Variants in PUM2 observed in about 807,000 individuals in gnomAD.
PUM2 encodes the protein pumilio RNA binding family member 2, also known as pumilio homolog 2.
A neutral mutation model predicts 124.5 loss-of-function variants in PUM2; 57 were observed. The observed-to-expected ratio is 0.46, with a 90% CI of 0.37 to 0.57. The LOEUF is 0.57. Ranked by LOEUF, PUM2 falls within the 20% of genes least tolerant of loss-of-function variation. The pLI is 0.00. For missense variants in PUM2, 1,065 were observed against 1,290.6 expected (o/e 0.83, Z 2.68); for synonymous variants, 460 against 446.1 (o/e 1.03, Z -0.39).
intron 3 of PUM2, among the ~76,000 whole-genome samples, chr2:20,313,278 C>A (rs997927013): frequency 7.2e-5 from 11 of 152,220 alleles, no homozygotes; most frequent in Non-Finnish European, 1.6e-4. Flanking sequence ...AGGCAACCTA[C>A]AGAATTTGGG....
chr2:20,304,792 A>G (rs1677824676), intron 7 of PUM2, among the ~76,000 whole-genome samples: 1 of 152,264 alleles, frequency 6.6e-6, no homozygotes, highest in African/African-American at 2.4e-5. Flanking sequence ...AAAAATTCTC[A>G]TTAGTAAGTT....
At chr2:20,296,226 T>C (rs569738961) in intron 8 of PUM2, among the ~76,000 whole-genome samples, 36 of 152,190 alleles carry the variant, frequency 2.4e-4, no homozygotes, top group Non-Finnish European at 4.1e-4. Flanking sequence ...CCGGGCGCGG[T>C]GGCTCACGCC....
rs1455717525 is a variant in PUM2, at chr2:20,311,575, A to C, written c.437T>G (p.Leu146Arg). Residue 146 changes from leucine (L) to arginine (R), a missense_variant, in exon 5 of 21, where the codon CTT becomes CGT. Leu to Arg is a moderately radical substitution (Grantham distance 102, BLOSUM62 -2). Transcript: ENST00000361078. ...SPFEEDQNRDLKQGDDDDSKI... is the reference protein window; with the variant it reads ...SPFEEDQNRDRKQGDDDDSKI... ...AGAATCATCATCATCTCCTTGTTTA[A>C]GATCTCTGTTTTGGTCCTCCTCAAA... 6.2e-7 allele frequency: 1 copy of C among 1,613,484 alleles called. No homozygotes were observed. Among genetic ancestry groups the C allele is most frequent in the Non-Finnish European group, 8.5e-7 (1 of 1,179,600 alleles).
At chr2:20,351,083 G>T (rs949786612), upstream of PUM2, among the ~76,000 whole-genome samples, 1 of 152,160 alleles carries the variant, frequency 6.6e-6, no homozygotes, top group East Asian at 1.9e-4. Context: ...GCTCCGCCGC[G>T]GCGGGCTCGG....
intron 10 of PUM2, among the ~76,000 whole-genome samples, chr2:20,289,329 T>C (rs925249407): frequency 1.3e-5 from 2 of 151,996 alleles, no homozygotes; most frequent in Admixed American, 6.6e-5. Context: ...ATAACTCCTC[T>C]CTCCGTTCTA....
rs1681518595 is a variant in PUM2 at position 20,318,439 on chromosome 2, T to C, written c.160+98A>G. The C allele has an allele frequency of 8.3e-6, 9 of 1,084,868 alleles. No homozygotes were observed. In the East Asian group the frequency reaches 2.0e-4, roughly 24 times the overall value. The allele number at this position is 1,084,868 out of a possible 1,614,324, so 67.2% of individuals were successfully genotyped here. On this transcript the variant is annotated intron_variant, in intron 3 of 20. Transcript: ENST00000361078. ...CAATAGCGCAAAACTATACAAAAAA[T>C]GCAAAAATTTGGAGACTCACTCTAA...
At chr2:20,329,230 C>T (rs1018498482) in intron 1 of PUM2, among the ~76,000 whole-genome samples, 24 of 146,858 alleles carry the variant, frequency 1.6e-4, no homozygotes, top group Non-Finnish European at 7.5e-5. Context: ...CCTATTTGGT[C>T]ATAGGATGAC....
At chr2:20,263,021 C>A (rs6715475) in intron 14 of PUM2, among the ~76,000 whole-genome samples, 172 bp downstream of exon 14, 1 of 151,944 alleles carries the variant, frequency 6.6e-6, no homozygotes, top group Non-Finnish European at 1.5e-5. Context: ...AATTAAAACC[C>A]GTATTTTTAT....
chr2:20,311,081 T>A (rs1038869827), intron 5 of PUM2, among the ~76,000 whole-genome samples: 3 of 151,788 alleles, frequency 2.0e-5, no homozygotes, highest in African/African-American at 7.3e-5. Context: ...AAAAGTTAAA[T>A]GGGAGGCAGG....
At chr2:20,293,819 T>G (rs1674824940) in intron 9 of PUM2, among the ~76,000 whole-genome samples, 1 of 152,122 alleles carries the variant, frequency 6.6e-6, no homozygotes, top group Non-Finnish European at 1.5e-5. Context: ...ACAATGAATG[T>G]GACAGTCAGA....
At position 20,312,343 on chromosome 2, in the gene PUM2, G is replaced by A; in HGVS notation, c.241C>T (p.Leu81=). 1 of 1,613,480 alleles carries A rather than the reference G, an allele frequency of 6.2e-7. No homozygotes were observed. Among genetic ancestry groups the A allele is most frequent in the Non-Finnish European group, 8.5e-7 (1 of 1,179,496 alleles). ...FHGNSEVNAI[L]SPRSESGGLG... is the part of the protein sequence containing the mutation. ...CCTCCACTTTCTGATCGCGGAGACA[G>A]TATTGCATTTACTTCACTGTTTCCA... Residue 81 remains leucine, a synonymous_variant, in exon 4 of 21, where the codon CTG becomes TTG. Coordinates refer to ENST00000361078, the MANE Select transcript of PUM2 (RefSeq NM_015317.5).
In PUM2 at chr2:20,349,531, T is replaced by A. The variant is rs536395138; in HGVS notation, c.-19+1066A>T. Among the ~76,000 whole-genome samples, 16 of 152,094 alleles carry A rather than the reference T, an allele frequency of 1.1e-4. No individual in the cohort carries two copies. In the South Asian group the frequency reaches 2.9e-3, roughly 28 times the overall value. The stretch of plus-strand genomic sequence containing the variant: ...ATACTCATTTTTGTTTTTTTTTTTT[T>A]ATTTACAGGATTCCTTAAGTCATCT... On this transcript the variant is annotated intron_variant, in intron 1 of 20. Transcript: ENST00000361078.
At chr2:20,286,569 T>C (rs761317099) in intron 10 of PUM2, among the ~76,000 whole-genome samples, 3 of 152,196 alleles carry the variant, frequency 2.0e-5, no homozygotes, top group Non-Finnish European at 4.4e-5. Flanking sequence ...ATCAACTTTA[T>C]TGTCTTTTCA....
rs1204294194 is a variant in PUM2 at position 20,311,764 on chromosome 2, A to G, written c.349-101T>C. 9 of 1,179,570 alleles carry G rather than the reference A, an allele frequency of 7.6e-6. No homozygotes were observed. The East Asian group carries it at 2.1e-4, about 28-fold the overall frequency. 73.1% of individuals were successfully genotyped at this position (1,179,570 alleles called of 1,614,324 possible). On this transcript the variant is annotated intron_variant, in intron 4 of 20. Coordinates refer to ENST00000361078, the MANE Select transcript of PUM2 (RefSeq NM_015317.5). The stretch of plus-strand genomic sequence containing the variant: ...CTACACTACAGTGCATGTAAACAAT[A>G]AAAGCATTGAATCTTATTTAATTTC...
At chr2:20,306,432 G>A (rs368293919) in intron 7 of PUM2, among the ~76,000 whole-genome samples, 4 of 151,898 alleles carry the variant, frequency 2.6e-5, no homozygotes, top group South Asian at 4.1e-4. Context: ...ATAAAGCCTC[G>A]AGAAATAAAA....
chr2:20,318,909 A>T lies in PUM2; in HGVS notation c.52-264T>A, dbSNP rs1048121472. On this transcript the variant is annotated intron_variant, in intron 2 of 20. Transcript: ENST00000361078. ...TCACTTTTCATACATTTTTATTACAATGTAAATTTATTCAAAAGGCTTATT... is the reference window on the plus strand; with the variant it reads ...TCACTTTTCATACATTTTTATTACATTGTAAATTTATTCAAAAGGCTTATT... Among the ~76,000 whole-genome samples the T allele has an allele frequency of 2.0e-5, 3 of 152,190 alleles. No homozygotes were observed. In the South Asian group the frequency reaches 6.2e-4, roughly 31 times the overall value.
chr2:20,288,228 T>C lies in PUM2; in HGVS notation c.1291+2424A>G, dbSNP rs866823312. On this transcript the variant is annotated intron_variant, in intron 10 of 20. Transcript: ENST00000361078. The stretch of plus-strand genomic sequence containing the variant: ...TGTCTTTTATATTTAAGGATATACA[T>C]AGAGGAAGCAGAGACTGATAAAAAA... Among the ~76,000 whole-genome samples, 8 of 152,056 alleles carry C rather than the reference T, an allele frequency of 5.3e-5. No individual in the cohort carries two copies. In the East Asian group the frequency reaches 5.8e-4, roughly 11 times the overall value.
chr2:20,262,908 T>G (rs765704488), intron 14 of PUM2, among the ~76,000 whole-genome samples: 9 of 152,168 alleles, frequency 5.9e-5, no homozygotes, highest in Non-Finnish European at 1.3e-4. Context: ...AGCCCACAAA[T>G]GTAATACAGA....
intron 1 of PUM2, among the ~76,000 whole-genome samples, chr2:20,346,192 C>T (rs1362994629): frequency 6.6e-6 from 1 of 152,186 alleles, no homozygotes; most frequent in Non-Finnish European, 1.5e-5. Context: ...AACTTCAAAA[C>T]ATAATTCTGT....
Sources: allele counts gnomAD v4.1 joint callset (sites outside exome capture counted in the v4.1 genomes callset), GRCh38; gene constraint gnomAD v4.1.1; transcripts MANE v1.5; gene names NCBI Gene and HGNC (gene_info 2026-07-23, HGNC 2026-07-21).